Variants in DGKH observed in about 807,000 individuals in gnomAD.
DGKH encodes DAG kinase eta.
In DGKH, 90 loss-of-function variants were observed where a neutral mutation model predicts 159.3. The ratio of observed to expected loss-of-function variants is 0.57; its 90% CI spans 0.48 to 0.67. The LOEUF is 0.67. DGKH is among the 30% of genes least tolerant of loss of function. DGKH has a pLI of 0.00. For synonymous variants in DGKH, 536 were observed against 553.8 expected, an observed-to-expected ratio of 0.97 and a Z score of 0.45; for missense variants, 1,181 against 1,506.1, an observed-to-expected ratio of 0.78 and a Z score of 3.57.
At chr13:42,142,412 G>A (rs1250782042) in intron 3 of DGKH, among the ~76,000 whole-genome samples, 2 of 151,030 alleles carry the variant, frequency 1.3e-5, no homozygotes, top group Non-Finnish European at 3.0e-5. Context: ...CTTTAAAGTC[G>A]TTTTTTCCAA....
At chr13:42,191,488 T>A (rs1957064385) in intron 16 of DGKH, among the ~76,000 whole-genome samples, 1 of 152,006 alleles carries the variant, frequency 6.6e-6, no homozygotes, top group Non-Finnish European at 1.5e-5. Flanking sequence ...TCCCCCTGAA[T>A]CTAAAATAAA....
intron 1 of DGKH, among the ~76,000 whole-genome samples, chr13:42,095,075 A>G (rs1231355810): frequency 6.7e-6 from 1 of 149,880 alleles, no homozygotes; most frequent in Admixed American, 6.7e-5. Flanking sequence ...TTCCTGCTTT[A>G]TAATTTTTTC....
chr13:42,229,248 A>G lies in DGKH; in HGVS notation c.*60A>G. On this transcript the variant is annotated 3_prime_UTR_variant, in exon 30 of 30. Coordinates refer to ENST00000337343, the MANE Select transcript of DGKH (RefSeq NM_178009.5). Reference sequence around the variant, plus strand: ...TGCCACTTAATACAAAGTCCTTGGAAGCAAGTGGCTGTTCTTGTAGTTTTC... The same window carrying G: ...TGCCACTTAATACAAAGTCCTTGGAGGCAAGTGGCTGTTCTTGTAGTTTTC... 2 of 1,458,478 alleles carry G rather than the reference A, an allele frequency of 1.4e-6. No homozygotes were observed. The highest frequency in any genetic ancestry group is 1.2e-5 in the South Asian group (1 of 81,520). The allele number at this position is 1,458,478 out of a possible 1,614,324, so 90.3% of individuals were successfully genotyped here.
At chr13:42,129,984 G>T (rs1321581994) in intron 3 of DGKH, among the ~76,000 whole-genome samples, 2 of 151,906 alleles carry the variant, frequency 1.3e-5, no homozygotes, top group Admixed American at 6.6e-5. Flanking sequence ...TCTCCATGTA[G>T]CCTACTTTCA....
intron 29 of DGKH, among the ~76,000 whole-genome samples, chr13:42,224,664 C>G (rs1484790879): frequency 3.7e-5 from 3 of 80,022 alleles, no homozygotes; most frequent in Admixed American, 3.5e-4. Context: ...TATTCAACCT[C>G]CTGTGAAGTC....
chr13:42,069,013 G>T (rs1882778620), intron 1 of DGKH: 4 of 1,466,036 alleles, frequency 2.7e-6, no homozygotes, highest in East Asian at 4.5e-5. Context: ...TGTTAATGTG[G>T]CCTGTATTGA....
intron 1 of DGKH, among the ~76,000 whole-genome samples, chr13:42,058,697 C>T (rs1304897232): frequency 6.6e-6 from 1 of 152,190 alleles, no homozygotes; most frequent in Non-Finnish European, 1.5e-5. Context: ...TTTCCCCTTG[C>T]AGATAGATGG....
chr13:42,163,245 C>T (rs1337442766), intron 7 of DGKH, among the ~76,000 whole-genome samples: 2 of 151,784 alleles, frequency 1.3e-5, no homozygotes, highest in Non-Finnish European at 2.9e-5. Context: ...GCCACATTTT[C>T]TTAATCCAGT....
At chr13:42,092,975 G>A (rs987594513) in intron 1 of DGKH, among the ~76,000 whole-genome samples, 2 of 152,096 alleles carry the variant, frequency 1.3e-5, no homozygotes, top group Non-Finnish European at 2.9e-5. Flanking sequence ...GGGCACAGTG[G>A]CTCACACCTA....
At chr13:42,065,460 A>T (rs1161683241) in intron 1 of DGKH, among the ~76,000 whole-genome samples, 16 of 152,184 alleles carry the variant, frequency 1.1e-4, no homozygotes, top group Non-Finnish European at 2.4e-4. Flanking sequence ...TTCTCCTCTT[A>T]GAGAGGCAAC....
intron 1 of DGKH, among the ~76,000 whole-genome samples, chr13:42,086,915 A>G (rs1430926565): frequency 1.3e-5 from 2 of 152,148 alleles, no homozygotes; most frequent in Non-Finnish European, 2.9e-5. Flanking sequence ...GGGGGAAAAT[A>G]TGAGAGAGTT....
chr13:42,123,932 G>A (rs942122520), intron 1 of DGKH, among the ~76,000 whole-genome samples: 8 of 152,244 alleles, frequency 5.3e-5, no homozygotes, highest in South Asian at 4.1e-4. Flanking sequence ...TGAGTGTGGC[G>A]AATATGTTCA....
At chr13:42,125,468 C>G (rs9533003) in intron 1 of DGKH, among the ~76,000 whole-genome samples, 66,185 of 151,984 alleles carry the variant, frequency 0.44, 14,695 homozygotes, top group Non-Finnish European at 0.47. Flanking sequence ...TTTTAGGAGA[C>G]AAAACTGAGG....
intron 1 of DGKH, among the ~76,000 whole-genome samples, chr13:42,124,351 C>T (rs1256394821): frequency 6.6e-6 from 1 of 151,718 alleles, no homozygotes; most frequent in Admixed American, 6.6e-5. Context: ...TATGTTTTTC[C>T]CCTTTTTAAA....
intron 24 of DGKH, among the ~76,000 whole-genome samples, chr13:42,211,938 C>A (rs1490317460): frequency 6.6e-6 from 1 of 152,162 alleles, no homozygotes; most frequent in Non-Finnish European, 1.5e-5. Flanking sequence ...TCCCACTGGT[C>A]TCTCTCATGA....
chr13:42,116,858 G>A (rs569944372), intron 1 of DGKH, among the ~76,000 whole-genome samples: 1 of 152,354 alleles, frequency 6.6e-6, no homozygotes, highest in East Asian at 1.9e-4. Context: ...ACTAAAAACA[G>A]TTACAGAAAG....
At chr13:42,171,870 C>T (rs1956466300) in intron 11 of DGKH, among the ~76,000 whole-genome samples, 1 of 145,500 alleles carries the variant, frequency 6.9e-6, no homozygotes, top group Admixed American at 7.6e-5. Flanking sequence ...CGCTCTGTAG[C>T]CCAGGCTGGA....
At chr13:42,103,838 A>G (rs563346713) in intron 1 of DGKH, among the ~76,000 whole-genome samples, 130 of 152,360 alleles carry the variant, frequency 8.5e-4, no homozygotes, top group Non-Finnish European at 1.7e-3. Context: ...TCGGTTAGGA[A>G]GGAGGAAAGG....
chr13:42,112,035 A>C (rs541312819), intron 1 of DGKH, among the ~76,000 whole-genome samples: 1 of 152,356 alleles, frequency 6.6e-6, no homozygotes, highest in South Asian at 2.1e-4. Context: ...GCCAGCACAC[A>C]TTACACTGTG....
Sources: gnomAD v4.1 joint callset for allele counts (sites outside exome capture counted in the v4.1 genomes callset) on GRCh38, gnomAD v4.1.1 for gene constraint, MANE v1.5 for transcripts, NCBI Gene and HGNC (gene_info 2026-07-23, HGNC 2026-07-21) for gene names.